The following PCDHGA1 variants were observed in gnomAD, a reference collection of about 807,000 sequenced individuals.
PCDHGA1 encodes protocadherin gamma subfamily A, 1.
Under a neutral mutation model 58.0 loss-of-function variants are expected in PCDHGA1, and 32 were observed. That is an observed-to-expected ratio of 0.55 (90% CI 0.42 to 0.74). The LOEUF is 0.74. Ranked by LOEUF, PCDHGA1 falls within the 30% of genes least tolerant of loss-of-function variation. The pLI, the probability that PCDHGA1 is intolerant of heterozygous loss-of-function variation, is 0.00. For missense variants in PCDHGA1, 1,205 were observed against 1,182.3 expected, an observed-to-expected ratio of 1.02 and a Z score of -0.28; for synonymous variants, 498 against 501.1, an observed-to-expected ratio of 0.99 and a Z score of 0.08.
intron 1 of PCDHGA1, chr5:141,478,670 C>G: frequency 6.4e-7 from 1 of 1,551,664 alleles, no homozygotes; most frequent in East Asian, 2.4e-5. Flanking sequence ...TTCACACTTT[C>G]AACTGGCCCT....
At chr5:141,348,342 G>C (rs1389925388) in intron 1 of PCDHGA1, among the ~76,000 whole-genome samples, 2 of 152,158 alleles carry the variant, frequency 1.3e-5, no homozygotes, top group Non-Finnish European at 2.9e-5. Context: ...CATAGCCAGG[G>C]GAGGACTTCT....
chr5:141,482,086 T>C (rs1435200188), intron 1 of PCDHGA1, among the ~76,000 whole-genome samples: 6 of 93,070 alleles, frequency 6.4e-5, no homozygotes, highest in African/African-American at 3.7e-4. Flanking sequence ...ACTCACTCCA[T>C]CTCAAAAAAA....
intron 1 of PCDHGA1, chr5:141,362,562 C>T (rs1762569349): frequency 6.2e-7 from 1 of 1,608,438 alleles, no homozygotes; most frequent in Non-Finnish European, 8.5e-7. Context: ...TGAAGGTGAG[C>T]TTTAATTAAT....
chr5:141,489,530 G>A lies in PCDHGA1; in HGVS notation c.2422-5277G>A. 6.2e-7 allele frequency: 1 copy of A among 1,614,092 alleles called. No homozygotes were observed. Among genetic ancestry groups the A allele is most frequent in the Non-Finnish European group, 8.5e-7 (1 of 1,180,022 alleles). On this transcript the variant is annotated intron_variant, in intron 1 of 3. Transcript: ENST00000517417. This position sits in a 1 kb window ranked among gnomAD's most constrained non-coding sequence, Gnocchi z 4.5. ...AAGATTGACCGAGAAAGCCTATGTGGAGCCAGCACCAGCTGCCTGCTGCCA... is the reference window on the plus strand; with the variant it reads ...AAGATTGACCGAGAAAGCCTATGTGAAGCCAGCACCAGCTGCCTGCTGCCA...
chr5:141,416,759 C>T (rs1045872662), intron 1 of PCDHGA1: 2 of 152,130 alleles, frequency 1.3e-5, no homozygotes, highest in African/African-American at 4.8e-5. Flanking sequence ...TTAGGTAGAT[C>T]TCTTAATTTT....
intron 1 of PCDHGA1, chr5:141,344,057 A>G (rs1407517095): frequency 6.4e-7 from 1 of 1,560,120 alleles, no homozygotes. Context: ...TGAGTTTCCG[A>G]AATGGCAGAG....
In PCDHGA1 at chr5:141,511,308, G is replaced by A. The variant is rs76613492; in HGVS notation, c.*135G>A. ...AGGGGCCAAGGCCATGCTCCCCTTG[G>A]GAAACAGAAACAAGTGCCCAGTCAG... is the stretch of plus-strand genomic sequence containing the variant. On this transcript the variant is annotated 3_prime_UTR_variant, in exon 4 of 4. Coordinates refer to ENST00000517417, the MANE Select transcript of PCDHGA1 (RefSeq NM_018912.3). 1.1e-3 allele frequency: 1,589 copies of A among 1,487,716 alleles called. 16 individuals carry two copies. In the African/African-American group the frequency reaches 0.021, roughly 19 times the overall value. The allele number at this position is 1,487,716 out of a possible 1,614,324, so 92.2% of individuals were successfully genotyped here.
rs375619778 is a variant in PCDHGA1, at chr5:141,399,361, C to G, written c.2421+66256C>G. 11 of 1,613,960 alleles carry G rather than the reference C, an allele frequency of 6.8e-6. No homozygotes were observed. The Admixed American group carries it at 1.8e-4, about 27-fold the overall frequency. On this transcript the variant is annotated intron_variant, in intron 1 of 3. Transcript: ENST00000517417. ...TGGAACCCTAGACCGAGAGCAAACC[C>G]CGGAGTACAATGTCACCATCACAGC...
intron 1 of PCDHGA1, chr5:141,360,386 T>C: frequency 6.2e-7 from 1 of 1,613,898 alleles, no homozygotes; most frequent in Non-Finnish European, 8.5e-7. Flanking sequence ...AGCGGAGACT[T>C]ACTTGTGAGT....
chr5:141,389,930 C>T (rs1255366269), intron 1 of PCDHGA1: 1 of 1,614,064 alleles, frequency 6.2e-7, no homozygotes. Context: ...CCTCTGACCT[C>T]CAGGCTGAGC....
rs2099697598 is a variant in PCDHGA1 at position 141,490,236 on chromosome 5, C to T, written c.2422-4571C>T. On this transcript the variant is annotated intron_variant, in intron 1 of 3. Coordinates refer to ENST00000517417, the MANE Select transcript of PCDHGA1 (RefSeq NM_018912.3). This position sits in a 1 kb window ranked among gnomAD's most constrained non-coding sequence, Gnocchi z 5.4. ...ACCAGGGACAGCCTGCCATGGAGGG[C>T]CACTGTGTGATTCAAGTGGATGTGG... is the stretch of plus-strand genomic sequence containing the variant. 1 of 1,614,078 alleles carries T rather than the reference C, an allele frequency of 6.2e-7. No homozygotes were observed. The highest frequency in any genetic ancestry group is 1.1e-5 in the South Asian group (1 of 91,088).
intron 1 of PCDHGA1, among the ~76,000 whole-genome samples, chr5:141,434,221 G>T (rs760622311): frequency 6.6e-6 from 1 of 152,206 alleles, no homozygotes; most frequent in Admixed American, 6.5e-5. Flanking sequence ...TGTAAACAAA[G>T]TACGATTTCT....
chr5:141,433,365 A>G (rs1347170890), intron 1 of PCDHGA1: 7 of 523,718 alleles, frequency 1.3e-5, no homozygotes, highest in Non-Finnish European at 2.4e-5. Context: ...CTGCCTATCT[A>G]TCTATCTATC....
chr5:141,414,116 A>C (rs760214999), intron 1 of PCDHGA1: 2 of 1,592,434 alleles, frequency 1.3e-6, no homozygotes, highest in Non-Finnish European at 1.7e-6. Context: ...CTAGATTATG[A>C]AGAAACCGGT....
rs202113404 is a variant in PCDHGA1, at chr5:141,414,779, A to G, written c.2422-80028A>G. The G allele has an allele frequency of 4.2e-4, 674 of 1,614,210 alleles. No homozygotes were observed. Among genetic ancestry groups the G allele is most frequent in the Admixed American group, 6.0e-4 (36 of 60,022 alleles). On this transcript the variant is annotated intron_variant, in intron 1 of 3. Transcript: ENST00000517417. ...GAGCAGTTTCATGAGCTACAGATGCAGGTGACAGCCAGCGACAGCGGGGAT... is the reference window on the plus strand; with the variant it reads ...GAGCAGTTTCATGAGCTACAGATGCGGGTGACAGCCAGCGACAGCGGGGAT...
chr5:141,438,811 G>T (rs2098067148), intron 1 of PCDHGA1, among the ~76,000 whole-genome samples: 1 of 149,790 alleles, frequency 6.7e-6, no homozygotes, highest in East Asian at 2.0e-4. Context: ...ACAGGCGCCT[G>T]TCACCATGCC....
intron 1 of PCDHGA1, among the ~76,000 whole-genome samples, chr5:141,386,466 A>G (rs1317226366): frequency 3.9e-5 from 6 of 152,122 alleles, no homozygotes; most frequent in Non-Finnish European, 8.8e-5. Context: ...GCTTGAACCC[A>G]AGAATTGGAG....
At chr5:141,470,173 A>G (rs527296791) in intron 1 of PCDHGA1, among the ~76,000 whole-genome samples, 1 of 152,342 alleles carries the variant, frequency 6.6e-6, no homozygotes, top group South Asian at 2.1e-4. Context: ...AAGTATGCAA[A>G]ATATTCAAGT....
intron 1 of PCDHGA1, chr5:141,422,413 GAA>G (rs753790858): frequency 6.2e-7 from 1 of 1,604,644 alleles, no homozygotes; most frequent in South Asian, 1.1e-5. Flanking sequence ...TTTTAAATTA[GAA>G]AAGACTTATG....
Sources: gnomAD v4.1 joint callset for allele counts (sites outside exome capture counted in the v4.1 genomes callset) on GRCh38, gnomAD v4.1.1 for gene constraint, Gnocchi (gnomAD v3.1) non-coding constraint, MANE v1.5 for transcripts, NCBI Gene and HGNC (gene_info 2026-07-23, HGNC 2026-07-21) for gene names.